The following ADRA1A variants were observed in gnomAD, a reference collection of about 807,000 sequenced individuals.
The protein encoded by ADRA1A is adrenoceptor alpha 1A, also known as alpha-1A adrenergic receptor.
Under a neutral mutation model 29.6 loss-of-function variants are expected in ADRA1A, and 31 were observed. That is an observed-to-expected ratio of 1.05 (90% CI 0.79 to 1.41). The LOEUF (loss-of-function observed/expected upper bound fraction) is 1.41, where lower values mean the gene tolerates loss of function less well. Among genes scored for constraint, ADRA1A ranks in the 40% most tolerant of loss-of-function variants. ADRA1A has a pLI of 0.00. For synonymous variants in ADRA1A, 311 were observed against 254.3 expected (o/e 1.22, Z -2.12); for missense variants, 619 against 601.1 (o/e 1.03, Z -0.31).
At chr8:26,859,221 A>G (rs1563314966) in intron 2 of ADRA1A, 4 of 1,251,714 alleles carry the variant, frequency 3.2e-6, no homozygotes. Flanking sequence ...ATATAATAAT[A>G]TGATAGTATA....
intron 2 of ADRA1A, among the ~76,000 whole-genome samples, chr8:26,773,549 G>C (rs563876088): frequency 6.6e-6 from 1 of 152,096 alleles, no homozygotes; most frequent in Non-Finnish European, 1.5e-5. Context: ...CCTTGTCTGG[G>C]AATGTCACTA....
At chr8:26,764,049 C>G (rs1019235578), downstream of ADRA1A, among the ~76,000 whole-genome samples, 1 of 152,124 alleles carries the variant, frequency 6.6e-6, no homozygotes, top group African/African-American at 2.4e-5. Context: ...AACAGATGAA[C>G]TTGAACTCTA....
Position 26,867,260 on chromosome 8 carries a change from G to C in ADRA1A, c.-1011C>G. On this transcript the variant is annotated 5_prime_UTR_variant, in exon 1 of 3. Transcript: ENST00000380573. ...GAAAAGAATAGCAAGGAACTTTGCA[G>C]CTCTCGCTGACGTAACTCAGGCAGT... 1 of 985,452 alleles carries C rather than the reference G, an allele frequency of 1.0e-6. No homozygotes were observed. The highest frequency in any genetic ancestry group is 1.2e-6 in the Non-Finnish European group (1 of 829,956). The allele number at this position is 985,452 out of a possible 1,614,324, so 61.0% of individuals were successfully genotyped here. A position where few individuals can be genotyped will look rare whatever the true frequency, so the allele number is the denominator to read the frequency against.
intron 2 of ADRA1A, among the ~76,000 whole-genome samples, chr8:26,781,514 C>A (rs745967664): frequency 6.6e-6 from 1 of 152,236 alleles, no homozygotes; most frequent in Non-Finnish European, 1.5e-5. Flanking sequence ...TTCTCAAATG[C>A]AGAAACAGAG....
intron 2 of ADRA1A, among the ~76,000 whole-genome samples, chr8:26,839,234 C>T (rs571857): frequency 0.24 from 35,916 of 149,134 alleles, 4,425 homozygotes; most frequent in Non-Finnish European, 0.27. Flanking sequence ...TCTTGGCTCA[C>T]TGCAACCTCC....
In ADRA1A at chr8:26,858,973, G is replaced by C. The variant is rs138595147; in HGVS notation, c.883+5114C>G. The C allele has an allele frequency of 1.0e-3, 1,090 of 1,077,904 alleles. 4 individuals are homozygous for C. Among genetic ancestry groups the C allele is most frequent in the Non-Finnish European group, 1.2e-3 (1,000 of 861,050 alleles). The allele number at this position is 1,077,904 out of a possible 1,614,324, so 66.8% of individuals were successfully genotyped here. ...TAGTGGAAAGAAGCTTGGGAAAAGGGAACGTGAGACTTCTCACAATATACA... is the reference window on the plus strand; with the variant it reads ...TAGTGGAAAGAAGCTTGGGAAAAGGCAACGTGAGACTTCTCACAATATACA... On this transcript the variant is annotated intron_variant, in intron 2 of 2. Coordinates refer to ENST00000380573, the MANE Select transcript of ADRA1A (RefSeq NM_000680.4).
rs140792004 is a variant in ADRA1A, at chr8:26,748,959, G to A, written c.1270-211C>T. 1.4e-4 allele frequency among the ~76,000 whole-genome samples: 22 copies of A among 152,196 alleles called. 1 individual carries two copies. In the East Asian group the frequency reaches 4.1e-3, roughly 28 times the overall value. On this transcript the variant is annotated intron_variant, in intron 2 of 2. Transcript: ENST00000380586. ...CCTCAGCAGGTGAGTGTCACCTTTT[G>A]TATTGGAGAAAGATGTTTTGTGGTC...
In ADRA1A at chr8:26,864,448, G is replaced by A. The variant is rs368673333; in HGVS notation, c.522C>T (p.Thr174=). 6.2e-6 allele frequency: 10 copies of A among 1,613,492 alleles called. No individual in the cohort carries two copies. The African/African-American group carries it at 1.2e-4, about 19-fold the overall frequency. The change falls in exon 2 of 3, where the codon ACC becomes ACT. Residue 174 remains threonine, a synonymous_variant. Transcript: ENST00000380573. This position sits in a 1 kb window ranked among gnomAD's most constrained non-coding sequence, Gnocchi z 8.1. ...GWRQPAPEDE[T]ICQINEEPGY... ...CCGGCTCCTCGTTGATCTGGCAGAT[G>A]GTCTCGTCCTCGGGGGCCGGCTGCC...
Position 26,805,758 on chromosome 8 carries a change from G to T in ADRA1A, c.884-35092C>A, listed in dbSNP as rs536858867. ...TGCTTCTACCTGGTACAAGAATCTTGATGAGCCAAGAGTTACTGGAACTTC... is the reference window on the plus strand; with the variant it reads ...TGCTTCTACCTGGTACAAGAATCTTTATGAGCCAAGAGTTACTGGAACTTC... On this transcript the variant is annotated intron_variant, in intron 2 of 2. Coordinates refer to ENST00000380573, the MANE Select transcript of ADRA1A (RefSeq NM_000680.4). This position sits in a 1 kb window ranked among gnomAD's most constrained non-coding sequence, Gnocchi z 4.8. 8.3e-4 allele frequency among the ~76,000 whole-genome samples: 127 copies of T among 152,300 alleles called. No homozygotes were observed. Among genetic ancestry groups the T allele is most frequent in the Non-Finnish European group, 1.4e-3 (96 of 68,028 alleles).
intron 2 of ADRA1A, among the ~76,000 whole-genome samples, chr8:26,750,794 G>T (rs527504260): frequency 2.0e-5 from 3 of 152,350 alleles, no homozygotes; most frequent in Admixed American, 1.3e-4. Flanking sequence ...TGTAGGCTGG[G>T]TGCAGTGGCT....
chr8:26,825,805 C>G lies in ADRA1A; in HGVS notation c.883+38282G>C, dbSNP rs1241195563. Among the ~76,000 whole-genome samples, 2 of 152,202 alleles carry G rather than the reference C, an allele frequency of 1.3e-5. No individual in the cohort carries two copies. The highest frequency in any genetic ancestry group is 2.9e-5 in the Non-Finnish European group (2 of 68,052). ...GCGGGCATTCTGGTTCGATACTAGG[C>G]ACAGTGTTGATTGCCTGTTTGATAC... On this transcript the variant is annotated intron_variant, in intron 2 of 2. Transcript: ENST00000380573. The surrounding 1 kb of genome is among the most constrained non-coding windows in gnomAD (Gnocchi z 5.7).
chr8:26,766,903 C>A (rs1277477870), downstream of ADRA1A, among the ~76,000 whole-genome samples: 2 of 152,120 alleles, frequency 1.3e-5, no homozygotes, highest in African/African-American at 4.8e-5. Flanking sequence ...ACACTACTGT[C>A]TACCATGGAA....
downstream of ADRA1A, among the ~76,000 whole-genome samples, chr8:26,767,004 A>G (rs1805828256): frequency 6.6e-6 from 1 of 152,196 alleles, no homozygotes; most frequent in East Asian, 1.9e-4. Context: ...GAGGCAAAGG[A>G]AAGAAAACTG....
chr8:26,835,292 CA>C (rs1323371549), intron 2 of ADRA1A, among the ~76,000 whole-genome samples: 1 of 152,210 alleles, frequency 6.6e-6, no homozygotes. Flanking sequence ...TCCTCTCCAA[CA>C]ACACTATTTT....
rs754867148 is a variant in ADRA1A, at chr8:26,864,943, G to A, written c.27C>T (p.Ser9=). Residue 9 remains serine, a synonymous_variant, in exon 2 of 3, where the codon TCC becomes TCT. Transcript: ENST00000380573. The surrounding 1 kb of genome is among the most constrained non-coding windows in gnomAD (Gnocchi z 8.1). The part of the protein sequence containing the change: MVFLSGNA[S]DSSNCTQPPA... ...GCGGTTGGGTGCAGTTGGAGCTGTCGGAAGCATTTCCCGAGAGAAACACCA... is the reference window on the plus strand; with the variant it reads ...GCGGTTGGGTGCAGTTGGAGCTGTCAGAAGCATTTCCCGAGAGAAACACCA... The A allele has an allele frequency of 5.0e-6, 8 of 1,609,920 alleles. No individual in the cohort carries two copies. Among genetic ancestry groups the A allele is most frequent in the South Asian group, 3.3e-5 (3 of 90,840 alleles).
chr8:26,848,516 C>A lies in ADRA1A; in HGVS notation c.883+15571G>T, dbSNP rs1030976942. ...AACCATCTGTGACCTAGCAGGAGAACCCTCACCAAGAGCCTGACAATGCTA... is the reference window on the plus strand; with the variant it reads ...AACCATCTGTGACCTAGCAGGAGAAACCTCACCAAGAGCCTGACAATGCTA... On this transcript the variant is annotated intron_variant, in intron 2 of 2. Coordinates refer to ENST00000380573, the MANE Select transcript of ADRA1A (RefSeq NM_000680.4). The surrounding 1 kb of genome is among the most constrained non-coding windows in gnomAD (Gnocchi z 4.3). Among the ~76,000 whole-genome samples the A allele has an allele frequency of 6.6e-6, 1 of 152,174 alleles. No homozygotes were observed. The highest frequency in any genetic ancestry group is 6.5e-5 in the Admixed American group (1 of 15,286).
Position 26,780,306 on chromosome 8 carries a change from TTTG to T in ADRA1A, c.884-9643_884-9641del, listed in dbSNP as rs539069535. ...CCAACAAATGCCTATGTTGGAGGCATTTGTTGTTCCAACAAAGGAATTATGAGT... is the reference window on the plus strand; with the variant it reads ...CCAACAAATGCCTATGTTGGAGGCATTTGTTCCAACAAAGGAATTATGAGT... On this transcript the variant is annotated intron_variant, in intron 2 of 2. Coordinates refer to ENST00000380573, the MANE Select transcript of ADRA1A (RefSeq NM_000680.4). Among the ~76,000 whole-genome samples, 23 of 152,266 alleles carry T rather than the reference TTTG, an allele frequency of 1.5e-4. No homozygotes were observed. The East Asian group carries it at 4.3e-3, about 28-fold the overall frequency.
intron 2 of ADRA1A, among the ~76,000 whole-genome samples, chr8:26,799,652 G>A (rs932236380): frequency 1.3e-5 from 2 of 152,166 alleles, no homozygotes; most frequent in Non-Finnish European, 2.9e-5. Flanking sequence ...GCTGATCCCA[G>A]ATTATGGAAC....
chr8:26,776,389 A>G (rs1806551389), intron 2 of ADRA1A, among the ~76,000 whole-genome samples: 2 of 152,188 alleles, frequency 1.3e-5, no homozygotes, highest in South Asian at 4.1e-4. Context: ...CTTAATGACA[A>G]CCTTGAGAGA....
Sources: gnomAD v4.1 joint callset for allele counts (sites outside exome capture counted in the v4.1 genomes callset) on GRCh38, gnomAD v4.1.1 for gene constraint, Gnocchi (gnomAD v3.1) non-coding constraint, MANE v1.5 for transcripts, NCBI Gene and HGNC (gene_info 2026-07-23, HGNC 2026-07-21) for gene names.